RBMS1: variants seen among roughly 807,000 people sequenced by gnomAD.
RBMS1 encodes RNA-binding motif, single-stranded-interacting protein 1.
Under a neutral mutation model 62.3 loss-of-function variants are expected in RBMS1, and 17 were observed. That is an observed-to-expected ratio of 0.27 (90% CI 0.19 to 0.41). The LOEUF is 0.41. RBMS1 is among the 10% of genes least tolerant of loss of function. The pLI, the probability that RBMS1 is intolerant of heterozygous loss-of-function variation, is 1.00. For missense variants in RBMS1, 334 were observed against 504.5 expected (o/e 0.66, Z 3.24); for synonymous variants, 172 against 170.0 (o/e 1.01, Z -0.09).
intron 1 of RBMS1, among the ~76,000 whole-genome samples, chr2:160,392,156 A>G (rs1474117100): frequency 2.6e-5 from 4 of 152,126 alleles, no homozygotes; most frequent in Admixed American, 1.3e-4. Context: ...ACCTACCTAT[A>G]CTGATGGTGC....
At chr2:160,489,687 C>G (rs895961105) in intron 1 of RBMS1, among the ~76,000 whole-genome samples, 8 of 152,102 alleles carry the variant, frequency 5.3e-5, no homozygotes, top group Non-Finnish European at 7.4e-5. Flanking sequence ...GGCGTAAAAA[C>G]AAAATTGTTT....
intron 1 of RBMS1, among the ~76,000 whole-genome samples, chr2:160,465,643 C>T (rs1485110076): frequency 1.3e-5 from 2 of 152,144 alleles, no homozygotes; most frequent in Non-Finnish European, 2.9e-5. Context: ...GGAACCAAGC[C>T]GGAGGACTGT....
chr2:160,418,604 G>T (rs1696295497), intron 1 of RBMS1, among the ~76,000 whole-genome samples: 3 of 152,128 alleles, frequency 2.0e-5, no homozygotes, highest in Admixed American at 2.0e-4. Context: ...GAACTGACTA[G>T]TTCCTTGCAT....
chr2:160,408,218 C>T (rs906237648), intron 1 of RBMS1, among the ~76,000 whole-genome samples: 2 of 152,112 alleles, frequency 1.3e-5, no homozygotes, highest in African/African-American at 4.8e-5. Flanking sequence ...CAGCTTTGCA[C>T]CCCGGCTCGA....
chr2:160,339,989 GT>G (rs1019336493), intron 2 of RBMS1, among the ~76,000 whole-genome samples: 1 of 152,108 alleles, frequency 6.6e-6, no homozygotes, highest in Admixed American at 6.6e-5. Context: ...GTACAAATCT[GT>G]TGCTCTGTTG....
chr2:160,424,164 G>A (rs537110750), intron 1 of RBMS1, among the ~76,000 whole-genome samples: 145 of 151,604 alleles, frequency 9.6e-4, no homozygotes, highest in Non-Finnish European at 1.3e-3. Context: ...GATTACAGGC[G>A]CCCGCCACCA....
chr2:160,363,453 G>A (rs1693235423), intron 2 of RBMS1, among the ~76,000 whole-genome samples: 1 of 152,160 alleles, frequency 6.6e-6, no homozygotes, highest in African/African-American at 2.4e-5. Context: ...TGGCCTTGCT[G>A]AATAGAGATG....
At chr2:160,286,750 C>T (rs1198415666) in intron 7 of RBMS1, among the ~76,000 whole-genome samples, 1 of 152,160 alleles carries the variant, frequency 6.6e-6, no homozygotes, top group Non-Finnish European at 1.5e-5. Context: ...CACCACCTAT[C>T]GGTCCATCTG....
At chr2:160,457,722 A>C (rs1684298352) in intron 1 of RBMS1, among the ~76,000 whole-genome samples, 1 of 152,232 alleles carries the variant, frequency 6.6e-6, no homozygotes, top group Non-Finnish European at 1.5e-5. Context: ...ATTGCTAAAT[A>C]GGCAACATAC....
chr2:160,367,515 A>C, intron 1 of RBMS1, 124 bp from the exon 2 acceptor site: 4 of 1,457,288 alleles, frequency 2.7e-6, no homozygotes, highest in Non-Finnish European at 3.6e-6. Flanking sequence ...ATTTTAATTT[A>C]CACTTTAAAA....
chr2:160,349,961 C>A (rs895321147), intron 2 of RBMS1, among the ~76,000 whole-genome samples: 1 of 151,610 alleles, frequency 6.6e-6, no homozygotes, highest in African/African-American at 2.4e-5. Context: ...TATGAAGGAA[C>A]AAGTCAGAAG....
intron 1 of RBMS1, among the ~76,000 whole-genome samples, chr2:160,399,699 G>C (rs1156370783): frequency 6.6e-6 from 1 of 152,138 alleles, no homozygotes; most frequent in East Asian, 1.9e-4. Context: ...GTACTTTCTA[G>C]AATATCTGAA....
intron 1 of RBMS1, among the ~76,000 whole-genome samples, chr2:160,458,778 C>G (rs1684347774): frequency 7.0e-6 from 1 of 142,314 alleles, no homozygotes; most frequent in Admixed American, 7.1e-5. Flanking sequence ...GCTTGGGTAA[C>G]AGGAACAAAC....
intron 1 of RBMS1, among the ~76,000 whole-genome samples, chr2:160,422,651 T>C (rs1197708375): frequency 1.3e-5 from 2 of 151,330 alleles, no homozygotes; most frequent in East Asian, 3.9e-4. Context: ...CCACCACATT[T>C]AATTTACTTA....
chr2:160,411,808 A>G (rs73002657), intron 1 of RBMS1, among the ~76,000 whole-genome samples: 1 of 152,246 alleles, frequency 6.6e-6, no homozygotes. Flanking sequence ...GATGCTGAAC[A>G]TCAAAGAACA....
At chr2:160,381,981 C>T (rs993551065) in intron 1 of RBMS1, among the ~76,000 whole-genome samples, 2 of 152,142 alleles carry the variant, frequency 1.3e-5, no homozygotes, top group African/African-American at 4.8e-5. Context: ...GGTGTTTCTA[C>T]ATTTGGATTA....
At chr2:160,348,006 AG>A (rs753207163) in intron 2 of RBMS1, among the ~76,000 whole-genome samples, 119 of 152,104 alleles carry the variant, frequency 7.8e-4, no homozygotes, top group Non-Finnish European at 1.5e-3. Flanking sequence ...GGTATTTCCG[AG>A]CTTTGACCAT....
At chr2:160,447,033 GA>G (rs1683683248) in intron 1 of RBMS1, among the ~76,000 whole-genome samples, 1 of 152,240 alleles carries the variant, frequency 6.6e-6, no homozygotes, top group Non-Finnish European at 1.5e-5. Flanking sequence ...ATGCAAAGTA[GA>G]ATGTGTTAAT....
chr2:160,450,159 CA>C (rs1263302025), intron 1 of RBMS1, among the ~76,000 whole-genome samples: 14 of 152,200 alleles, frequency 9.2e-5, no homozygotes, highest in African/African-American at 3.4e-4. Flanking sequence ...ACAGAGGAAA[CA>C]CTCTTTTTGT....
Sources: gnomAD v4.1 joint callset for allele counts (sites outside exome capture counted in the v4.1 genomes callset) on GRCh38, gnomAD v4.1.1 for gene constraint, MANE v1.5 for transcripts, NCBI Gene and HGNC (gene_info 2026-07-23, HGNC 2026-07-21) for gene names.